Variants in SORBS2 observed in about 807,000 individuals in gnomAD.
The protein encoded by SORBS2 is sorbin and SH3 domain containing 2.
In SORBS2, 46 loss-of-function variants were observed where a neutral mutation model predicts 97.7. The ratio of observed to expected loss-of-function variants is 0.47; its 90% CI spans 0.37 to 0.60. The LOEUF is 0.60. Ranked by LOEUF, SORBS2 falls within the 20% of genes least tolerant of loss-of-function variation. SORBS2 has a pLI of 0.00. For missense variants in SORBS2, 1,316 were observed against 1,282.3 expected (o/e 1.03, Z -0.40); for synonymous variants, 476 against 473.4 (o/e 1.01, Z -0.07).
Position 185,666,101 on chromosome 4 carries a change from G to C in SORBS2, c.-45-3859C>G, listed in dbSNP as rs1228305363. On this transcript the variant is annotated intron_variant, in intron 4 of 20. Transcript: ENST00000284776. Reference sequence around the variant, plus strand: ...GGTGAGAAAGTGGCTCGGTTCAAAGGTACCACGGAAGGAGGGCACGGAGGA... The same window carrying C: ...GGTGAGAAAGTGGCTCGGTTCAAAGCTACCACGGAAGGAGGGCACGGAGGA... The C allele has an allele frequency of 5.4e-6, 7 of 1,289,646 alleles. No individual in the cohort carries two copies. The East Asian group carries it at 3.9e-4, about 72-fold the overall frequency. 79.9% of individuals were successfully genotyped at this position (1,289,646 alleles called of 1,614,324 possible).
intron 1 of SORBS2, among the ~76,000 whole-genome samples, chr4:185,845,977 A>G (rs2099214299): frequency 6.6e-6 from 1 of 152,122 alleles, no homozygotes; most frequent in Non-Finnish European, 1.5e-5. Context: ...AATAGTACAG[A>G]CTCCTTGGAA....
chr4:185,701,831 C>A (rs944976741), intron 2 of SORBS2, among the ~76,000 whole-genome samples: 1 of 150,502 alleles, frequency 6.6e-6, no homozygotes, highest in Admixed American at 6.6e-5. Flanking sequence ...GTGCAAGTGG[C>A]GTGATCTCAG....
intron 4 of SORBS2, among the ~76,000 whole-genome samples, chr4:185,665,496 G>A (rs1248716868): frequency 6.6e-6 from 1 of 152,182 alleles, no homozygotes; most frequent in Non-Finnish European, 1.5e-5. Context: ...ACGGGAAACC[G>A]TAAGTAACTA....
chr4:185,637,610 C>A (rs1476724816), intron 4 of SORBS2, among the ~76,000 whole-genome samples: 1 of 152,078 alleles, frequency 6.6e-6, no homozygotes, highest in East Asian at 1.9e-4. Context: ...CCCTCCAGTC[C>A]CCATTTTCTT....
At chr4:185,628,456 TAA>T (rs1180727497) in intron 5 of SORBS2, among the ~76,000 whole-genome samples, 1 of 152,176 alleles carries the variant, frequency 6.6e-6, no homozygotes, top group African/African-American at 2.4e-5. Context: ...ATTTTTTATT[TAA>T]ATAATGAATG....
intron 1 of SORBS2, among the ~76,000 whole-genome samples, chr4:185,824,080 T>G (rs1220544683): frequency 6.6e-6 from 1 of 152,164 alleles, no homozygotes; most frequent in Non-Finnish European, 1.5e-5. Context: ...CCTGGAGGTG[T>G]CGTAGCAAAG....
chr4:185,814,252 T>A (rs1417708161), intron 1 of SORBS2, among the ~76,000 whole-genome samples: 1 of 151,828 alleles, frequency 6.6e-6, no homozygotes, highest in African/African-American at 2.4e-5. Context: ...GGCATAAGAA[T>A]CTCTGGCCGT....
intron 4 of SORBS2, among the ~76,000 whole-genome samples, chr4:185,664,352 G>C (rs1406977190): frequency 1.3e-5 from 2 of 152,126 alleles, no homozygotes; most frequent in Admixed American, 6.6e-5. Context: ...CCACAAGACT[G>C]TATATAAGAC....
rs1018395858 is a variant in SORBS2, at chr4:185,684,237, G to T, written c.-197-5415C>A. Among the ~76,000 whole-genome samples the T allele has an allele frequency of 1.3e-5, 2 of 152,122 alleles. No homozygotes were observed. Among genetic ancestry groups the T allele is most frequent in the African/African-American group, 4.8e-5 (2 of 41,402 alleles). On this transcript the variant is annotated intron_variant, in intron 2 of 20. Coordinates refer to the SORBS2 transcript ENST00000284776. This position sits in a 1 kb window ranked among gnomAD's most constrained non-coding sequence, Gnocchi z 4.2. ...CCACCTGAGTGGATGCTGAAATCTC[G>T]CACCCCCAGTGACTTCCTATCTGTG...
intron 1 of SORBS2, among the ~76,000 whole-genome samples, chr4:185,910,681 G>A (rs967932901): frequency 2.0e-5 from 3 of 151,834 alleles, no homozygotes; most frequent in East Asian, 1.9e-4. Context: ...TAGCTCAACC[G>A]CCTCCCACCT....
intron 2 of SORBS2, among the ~76,000 whole-genome samples, chr4:185,691,743 C>T (rs1031602691): frequency 6.6e-6 from 1 of 151,928 alleles, no homozygotes; most frequent in African/African-American, 2.4e-5. Flanking sequence ...GGGGTTGTCT[C>T]AGAAAAAAGT....
chr4:185,658,953 G>A (rs901130134), upstream of SORBS2, among the ~76,000 whole-genome samples: 2 of 151,970 alleles, frequency 1.3e-5, no homozygotes, highest in Admixed American at 6.6e-5. Context: ...TGATCCGCCC[G>A]CCTCGGCCTC....
At chr4:185,792,572 G>A (rs981353580) in intron 1 of SORBS2, among the ~76,000 whole-genome samples, 1 of 151,968 alleles carries the variant, frequency 6.6e-6, no homozygotes, top group African/African-American at 2.4e-5. Flanking sequence ...AGGAGGGAAG[G>A]AAGGAAGGAA....
At chr4:185,796,461 T>C (rs554062400) in intron 1 of SORBS2, among the ~76,000 whole-genome samples, 2 of 148,850 alleles carry the variant, frequency 1.3e-5, no homozygotes, top group East Asian at 3.9e-4. Flanking sequence ...GCCTGGGCGC[T>C]GTGGCCACGC....
intron 2 of SORBS2, among the ~76,000 whole-genome samples, chr4:185,718,165 G>T (rs114774351): frequency 6.6e-6 from 1 of 152,004 alleles, no homozygotes; most frequent in Non-Finnish European, 1.5e-5. Context: ...TGGGAGACAG[G>T]CGCTGTAGGA....
At chr4:185,626,947 C>T in exon 6 of SORBS2, 1 of 1,614,178 alleles carries the variant, frequency 6.2e-7, no homozygotes, top group Non-Finnish European at 8.5e-7. Context: ...TTTGATCTCC[C>T]AAGCCCCGTG....
chr4:185,837,642 T>A (rs1168817313), intron 1 of SORBS2, among the ~76,000 whole-genome samples: 1 of 152,212 alleles, frequency 6.6e-6, no homozygotes, highest in Non-Finnish European at 1.5e-5. Context: ...AATACAATTG[T>A]TAACATTCCT....
chr4:185,947,078 G>T (rs190531073), intron 1 of SORBS2, among the ~76,000 whole-genome samples: 1 of 152,338 alleles, frequency 6.6e-6, no homozygotes, highest in Admixed American at 6.5e-5. Flanking sequence ...AGGAGGATTT[G>T]TGTCTCCGCA....
chr4:185,864,454 G>T (rs2099225672), intron 1 of SORBS2, among the ~76,000 whole-genome samples: 1 of 152,158 alleles, frequency 6.6e-6, no homozygotes, highest in African/African-American at 2.4e-5. Context: ...AACTAGGATA[G>T]AAACATCCAG....
Sources: allele counts gnomAD v4.1 joint callset (sites outside exome capture counted in the v4.1 genomes callset), GRCh38; gene constraint gnomAD v4.1.1; non-coding constraint Gnocchi (gnomAD v3.1); transcripts MANE v1.5; gene names NCBI Gene and HGNC (gene_info 2026-07-23, HGNC 2026-07-21).